Variants in PDZRN3 observed in about 807,000 individuals in gnomAD.
PDZRN3 encodes E3 ubiquitin-protein ligase PDZRN3.
A neutral mutation model predicts 85.7 loss-of-function variants in PDZRN3; 38 were observed. That is an observed-to-expected ratio of 0.44 (90% CI 0.34 to 0.58). The LOEUF (loss-of-function observed/expected upper bound fraction) is 0.58. Among genes scored for constraint, PDZRN3 ranks in the 20% least tolerant of loss-of-function variants. The probability of loss-of-function intolerance (pLI) is 0.01; values close to 1 mark genes in which losing one functional copy is unlikely to be tolerated. For synonymous variants in PDZRN3, 759 were observed against 638.0 expected, an observed-to-expected ratio of 1.19 and a Z score of -2.86; for missense variants, 1,629 against 1,506.4, an observed-to-expected ratio of 1.08 and a Z score of -1.35.
intron 3 of PDZRN3, among the ~76,000 whole-genome samples, chr3:73,565,755 T>C (rs897740386): frequency 2.7e-5 from 4 of 150,048 alleles, no homozygotes; most frequent in South Asian, 2.1e-4. Flanking sequence ...CTGGCCAACA[T>C]AGTGAAACCC....
At chr3:73,459,657 G>C (rs186219783) in intron 3 of PDZRN3, among the ~76,000 whole-genome samples, 2 of 152,268 alleles carry the variant, frequency 1.3e-5, no homozygotes, top group Admixed American at 1.3e-4. Context: ...CCCCCAACTC[G>C]ATCCATGCTC....
At chr3:73,543,368 G>A (rs1701330577) in intron 3 of PDZRN3, among the ~76,000 whole-genome samples, 1 of 152,246 alleles carries the variant, frequency 6.6e-6, no homozygotes, top group Non-Finnish European at 1.5e-5. Flanking sequence ...GCAGTGAGAT[G>A]TAGGCAGCAC....
At chr3:73,443,146 A>C (rs1183041992) in intron 3 of PDZRN3, among the ~76,000 whole-genome samples, 2 of 152,140 alleles carry the variant, frequency 1.3e-5, no homozygotes, top group South Asian at 4.1e-4. Context: ...CCACCTATTC[A>C]TTCACGCCTC....
intron 3 of PDZRN3, among the ~76,000 whole-genome samples, chr3:73,528,386 A>G (rs571242422): frequency 2.8e-4 from 42 of 152,312 alleles, no homozygotes; most frequent in African/African-American, 9.9e-4. Flanking sequence ...AGCAATCATC[A>G]ATAAAGATTA....
chr3:73,617,792 G>A (rs1702787286), intron 1 of PDZRN3, among the ~76,000 whole-genome samples: 1 of 152,166 alleles, frequency 6.6e-6, no homozygotes, highest in South Asian at 2.1e-4. Context: ...AGCAACCTCT[G>A]CCTCCAGAGT....
intron 3 of PDZRN3, among the ~76,000 whole-genome samples, chr3:73,513,484 G>A (rs555057357): frequency 5.3e-5 from 8 of 152,262 alleles, no homozygotes; most frequent in South Asian, 2.1e-4. Flanking sequence ...AATGATTAAC[G>A]TGCTGGACCC....
intron 3 of PDZRN3, among the ~76,000 whole-genome samples, chr3:73,494,898 T>C (rs1403873383): frequency 6.6e-6 from 1 of 152,200 alleles, no homozygotes; most frequent in Non-Finnish European, 1.5e-5. Flanking sequence ...ACATGTAACT[T>C]GAAGAGATAG....
intron 3 of PDZRN3, among the ~76,000 whole-genome samples, chr3:73,501,332 C>T (rs1461683605): frequency 6.6e-6 from 1 of 152,116 alleles, no homozygotes; most frequent in Non-Finnish European, 1.5e-5. Context: ...GAGGTGATGC[C>T]CTCCATTCAG....
Position 73,384,574 on chromosome 3 carries a change from C to T in PDZRN3, c.1992G>A (p.Leu664=). The change falls in exon 10 of 10, where the codon CTG becomes CTA. Residue 664 remains leucine, a synonymous_variant. Transcript: ENST00000263666. The part of the protein sequence containing the change: ...CQVKSATPYG[L]YYPSGPLDAG... ...CGTCCAGGGGGCCGCTAGGGTAGTA[C>T]AGGCCGTAAGGGGTGGCGCTCTTCA... 6.2e-7 allele frequency: 1 copy of T among 1,613,714 alleles called. No homozygotes were observed. Among genetic ancestry groups the T allele is most frequent in the Non-Finnish European group, 8.5e-7 (1 of 1,180,044 alleles).
At chr3:73,546,342 C>T (rs570771491) in intron 3 of PDZRN3, among the ~76,000 whole-genome samples, 1 of 152,198 alleles carries the variant, frequency 6.6e-6, no homozygotes, top group South Asian at 2.1e-4. Flanking sequence ...AAGACAATCT[C>T]ACCACCACAT....
intron 3 of PDZRN3, among the ~76,000 whole-genome samples, chr3:73,441,411 CAAAA>C (rs10656791): frequency 1.0e-4 from 7 of 68,162 alleles, no homozygotes; most frequent in African/African-American, 4.6e-4. Flanking sequence ...GACTCTGTCC[CAAAA>C]AAAAAAAAAA....
chr3:73,602,270 C>A, intron 3 of PDZRN3, 84 bp downstream of exon 3: 1 of 765,120 alleles, frequency 1.3e-6, no homozygotes, highest in South Asian at 1.6e-5. Flanking sequence ...AGGCCTCCCT[C>A]CCCAGTCAAA....
At chr3:73,566,841 C>T (rs1453558956) in intron 3 of PDZRN3, among the ~76,000 whole-genome samples, 2 of 152,148 alleles carry the variant, frequency 1.3e-5, no homozygotes, top group Non-Finnish European at 2.9e-5. Flanking sequence ...TGCCGAGATG[C>T]AATGCCTGAA....
rs1432396077 is a variant in PDZRN3, at chr3:73,555,657, C to G, written c.918+46697G>C. 3.3e-5 allele frequency among the ~76,000 whole-genome samples: 5 copies of G among 152,094 alleles called. No homozygotes were observed. The East Asian group carries it at 9.6e-4, about 29-fold the overall frequency. ...AGTCCTATACTTTGGGGAGGTAACA[C>G]TGACAGAAAATATACCCAGTGAATT... On this transcript the variant is annotated intron_variant, in intron 3 of 9. Coordinates refer to ENST00000263666, the MANE Select transcript of PDZRN3 (RefSeq NM_015009.3).
intron 8 of PDZRN3, among the ~76,000 whole-genome samples, chr3:73,387,031 C>CATGAGATCTG (rs1189725116): frequency 3.3e-5 from 5 of 152,212 alleles, no homozygotes; most frequent in African/African-American, 1.2e-4. Context: ...GAATAAGTCT[C>CATGAGATCTG]ATGAGATCTG....
Position 73,383,747 on chromosome 3 carries a change from T to C in PDZRN3, c.2819A>G (p.Asp940Gly), listed in dbSNP as rs980248013. The C allele has an allele frequency of 2.5e-6, 4 of 1,612,226 alleles. No homozygotes were observed. Among genetic ancestry groups the C allele is most frequent in the Non-Finnish European group, 3.4e-6 (4 of 1,179,946 alleles). ...CAGGGCGCGCTCCCGCAGCAGGCGG[T>C]CCCGCACGGGCCTCTTGGTGATGTA... ...TRYITKRPVR[D>G]RLLRERALKI... The change falls in exon 10 of 10, where the codon GAC becomes GGC. Residue 940 changes from aspartate (D) to glycine (G), a missense_variant. By Grantham distance (94) the Asp-to-Gly change is moderately conservative. Transcript: ENST00000263666.
intron 3 of PDZRN3, among the ~76,000 whole-genome samples, chr3:73,447,618 T>C (rs1307407706): frequency 2.6e-5 from 4 of 152,208 alleles, no homozygotes; most frequent in Non-Finnish European, 5.9e-5. Flanking sequence ...CAAGAGCTTG[T>C]TGTAAGTCCT....
In PDZRN3 at chr3:73,383,933, T is replaced by C. The variant is rs374523645; in HGVS notation, c.2633A>G (p.Gln878Arg). The C allele has an allele frequency of 5.0e-6, 8 of 1,608,054 alleles. No individual in the cohort carries two copies. The highest frequency in any genetic ancestry group is 1.3e-5 in the African/African-American group (1 of 74,890). Residue 878 changes from glutamine to arginine, a missense_variant, in exon 10 of 10, where the codon CAG becomes CGG. Transcript: ENST00000263666. Reference sequence around the variant, plus strand: ...CAGCTGCATGTAGCTCTGGTAGTGCTGGGCGTGCGCCGGGATGTGCGCGTG... The same window carrying C: ...CAGCTGCATGTAGCTCTGGTAGTGCCGGGCGTGCGCCGGGATGTGCGCGTG... ...YKHAHIPAHA[Q>R]HYQSYMQLIQ...
chr3:73,475,016 A>G (rs1003593546), intron 3 of PDZRN3, among the ~76,000 whole-genome samples: 1 of 152,230 alleles, frequency 6.6e-6, no homozygotes, highest in South Asian at 2.1e-4. Context: ...AGATAAGTTA[A>G]TATTTCACCA....
Sources: gnomAD v4.1 joint callset for allele counts (sites outside exome capture counted in the v4.1 genomes callset) on GRCh38, gnomAD v4.1.1 for gene constraint, MANE v1.5 for transcripts, NCBI Gene and HGNC (gene_info 2026-07-23, HGNC 2026-07-21) for gene names.